The following MLLT10 variants were observed in gnomAD, a reference collection of about 807,000 sequenced individuals.
MLLT10 encodes protein AF-10.
In MLLT10, 30 loss-of-function variants were observed where a neutral mutation model predicts 129.1. That is an observed-to-expected ratio of 0.23 (90% CI 0.17 to 0.32). The LOEUF (loss-of-function observed/expected upper bound fraction) is 0.32, where lower values mean the gene tolerates loss of function less well. Among genes scored for constraint, MLLT10 ranks in the 10% least tolerant of loss-of-function variants. The probability of loss-of-function intolerance (pLI) is 1.00; values close to 1 mark genes in which losing one functional copy is unlikely to be tolerated. For synonymous variants in MLLT10, 490 were observed against 446.4 expected (o/e 1.10, Z -1.23); for missense variants, 1,119 against 1,268.3 (o/e 0.88, Z 1.79).
intron 13 of MLLT10, among the ~76,000 whole-genome samples, chr10:21,686,309 C>T (rs561739908): frequency 7.2e-5 from 11 of 152,236 alleles, no homozygotes; most frequent in Admixed American, 7.2e-4. Flanking sequence ...TTCCAAACTG[C>T]CTCAAAAGTT....
chr10:21,737,666 A>C (rs529709282), intron 21 of MLLT10, among the ~76,000 whole-genome samples: 4 of 152,238 alleles, frequency 2.6e-5, no homozygotes, highest in Admixed American at 2.0e-4. Flanking sequence ...GAGAACTTGT[A>C]GAAGGGGAGA....
chr10:21,533,881 C>G (rs1429337088), upstream of MLLT10, among the ~76,000 whole-genome samples: 1 of 152,206 alleles, frequency 6.6e-6, no homozygotes, highest in Non-Finnish European at 1.5e-5. Flanking sequence ...CCCGGGGACT[C>G]CCCTCTGGCG....
intron 9 of MLLT10, among the ~76,000 whole-genome samples, chr10:21,668,279 T>A (rs2051038017): frequency 6.6e-6 from 1 of 152,138 alleles, no homozygotes; most frequent in South Asian, 2.1e-4. Context: ...ATAGTGTGTC[T>A]TTCAGCCATC....
At chr10:21,665,301 T>TTGG (rs1491305314) in intron 9 of MLLT10, among the ~76,000 whole-genome samples, 1 of 112,960 alleles carries the variant, frequency 8.9e-6, no homozygotes, top group African/African-American at 3.8e-5. Context: ...TTGTTTTTTT[T>TTGG]GGGGGGGGGG....
intron 14 of MLLT10, among the ~76,000 whole-genome samples, chr10:21,717,130 G>A (rs907927579): frequency 1.3e-4 from 20 of 151,184 alleles, no homozygotes; most frequent in African/African-American, 4.6e-4. Flanking sequence ...GTGCATGCCT[G>A]TAATCCCAGC....
At chr10:21,666,183 G>A (rs567548291) in intron 9 of MLLT10, among the ~76,000 whole-genome samples, 37 of 152,060 alleles carry the variant, frequency 2.4e-4, no homozygotes, top group African/African-American at 8.2e-4. Context: ...ACGGTATAGC[G>A]TCGTTAGCCT....
At chr10:21,689,616 T>TACACACAC (rs1449363406) in intron 13 of MLLT10, among the ~76,000 whole-genome samples, 13 of 140,754 alleles carry the variant, frequency 9.2e-5, no homozygotes, top group African/African-American at 3.5e-4. Context: ...TATATATATA[T>TACACACAC]ATACACACAC....
chr10:21,628,431 C>CTCTT (rs1554823908), intron 8 of MLLT10, among the ~76,000 whole-genome samples: 1 of 116,000 alleles, frequency 8.6e-6, no homozygotes, highest in African/African-American at 3.5e-5. Flanking sequence ...GATGCTCTCT[C>CTCTT]TTTTTTTTTT....
chr10:21,607,749 A>G (rs1401456218), intron 5 of MLLT10, among the ~76,000 whole-genome samples: 1 of 152,224 alleles, frequency 6.6e-6, no homozygotes, highest in Non-Finnish European at 1.5e-5. Flanking sequence ...TTAAATAGAT[A>G]AGAGAAGAAT....
intron 21 of MLLT10, chr10:21,738,549 A>G (rs1321398440): frequency 4.7e-6 from 6 of 1,276,694 alleles, no homozygotes; most frequent in South Asian, 1.3e-5. Flanking sequence ...ACAGGGATCA[A>G]ACTTAACGTA....
chr10:21,546,876 C>T lies in MLLT10; in HGVS notation c.240+7964C>T, dbSNP rs757796123. ...CCAAGTAGCTGGGATTACAGGCATG[C>T]GCCACCACACCTGGCTGATTTTGTA... On this transcript the variant is annotated intron_variant, in intron 3 of 22. Coordinates refer to ENST00000307729, the MANE Select transcript of MLLT10 (RefSeq NM_001195626.3). Among the ~76,000 whole-genome samples the T allele has an allele frequency of 8.4e-4, 127 of 152,052 alleles. 1 individual carries two copies. Among genetic ancestry groups the T allele is most frequent in the Middle Eastern group, 3.4e-3 (1 of 294 alleles).
In MLLT10 at chr10:21,534,468, A is replaced by C. The variant is rs929022203; in HGVS notation, c.-53A>C. ...GGGGAGGTGGGGGGAATCAGCAAGG[A>C]CATGGCTCCTGACTCCTGTGCGGAA... On this transcript the variant is annotated 5_prime_UTR_variant, in exon 1 of 23. Transcript: ENST00000307729. 24 of 573,402 alleles carry C rather than the reference A, an allele frequency of 4.2e-5. No individual in the cohort carries two copies. Among genetic ancestry groups the C allele is most frequent in the Admixed American group, 2.0e-4 (6 of 29,876 alleles). The allele number at this position is 573,402 out of a possible 1,614,324, so 35.5% of individuals were successfully genotyped here.
intron 13 of MLLT10, among the ~76,000 whole-genome samples, chr10:21,697,124 AG>A (rs1274689268): frequency 2.5e-4 from 34 of 135,364 alleles, no homozygotes; most frequent in African/African-American, 6.4e-4. Context: ...AAAAAAAAAG[AG>A]GGAGAATTTA....
At chr10:21,534,590 G>A in intron 1 of MLLT10, 55 bp from the exon 2 acceptor site, 1 of 1,514,954 alleles carries the variant, frequency 6.6e-7, no homozygotes, top group Non-Finnish European at 8.9e-7. Context: ...GTGTGGGGGG[G>A]AAGCACTAAT....
chr10:21,677,472 G>A (rs1479434556), intron 11 of MLLT10, among the ~76,000 whole-genome samples: 1 of 152,088 alleles, frequency 6.6e-6, no homozygotes, highest in Non-Finnish European at 1.5e-5. Flanking sequence ...GTTATAAAAC[G>A]TCATAGTATT....
intron 13 of MLLT10, among the ~76,000 whole-genome samples, chr10:21,705,033 G>A (rs926993426): frequency 6.6e-6 from 1 of 152,100 alleles, no homozygotes; most frequent in African/African-American, 2.4e-5. Flanking sequence ...CTTGTGCCTC[G>A]AGGTGGAGGC....
chr10:21,546,113 C>T (rs896688744), intron 3 of MLLT10, among the ~76,000 whole-genome samples: 3 of 152,054 alleles, frequency 2.0e-5, no homozygotes, highest in African/African-American at 7.2e-5. Flanking sequence ...AGTCTTGCTC[C>T]ATCGCCCAGG....
chr10:21,659,629 C>A (rs1589479189), intron 9 of MLLT10, among the ~76,000 whole-genome samples: 1 of 151,302 alleles, frequency 6.6e-6, no homozygotes, highest in Non-Finnish European at 1.5e-5. Context: ...TCATGCCTCA[C>A]CCTCCCGAGT....
intron 4 of MLLT10, among the ~76,000 whole-genome samples, chr10:21,594,598 G>C (rs1443306534): frequency 5.7e-5 from 7 of 122,138 alleles, no homozygotes; most frequent in African/African-American, 2.2e-4. Context: ...CCTCACCACC[G>C]CTTTCTCTGA....
Sources: gnomAD v4.1 joint callset for allele counts (sites outside exome capture counted in the v4.1 genomes callset) on GRCh38, gnomAD v4.1.1 for gene constraint, MANE v1.5 for transcripts, NCBI Gene and HGNC (gene_info 2026-07-23, HGNC 2026-07-21) for gene names.